The following RP1 variants were observed in gnomAD, a reference collection of about 807,000 sequenced individuals.
RP1 encodes the protein oxygen-regulated protein 1.
A neutral mutation model predicts 14.8 loss-of-function variants in RP1; 16 were observed. The ratio of observed to expected loss-of-function variants is 1.08; its 90% CI spans 0.73 to 1.65. RP1 has a LOEUF of 1.65. Among genes scored for constraint, RP1 ranks in the 40% most tolerant of loss-of-function variants. The pLI is 0.00. For synonymous variants in RP1, 876 were observed against 883.6 expected (o/e 0.99, Z 0.15); for missense variants, 2,631 against 2,535.0 (o/e 1.04, Z -0.81).
At chr8:54,863,880 A>G (rs752454706) in intron 27 of RP1, among the ~76,000 whole-genome samples, 62 of 152,162 alleles carry the variant, frequency 4.1e-4, no homozygotes, top group Non-Finnish European at 7.3e-4. Flanking sequence ...ACTTCTTCCA[A>G]TGTCTGTCTG....
At position 54,629,619 on chromosome 8, in the gene RP1, C is replaced by T. The variant is rs200853416; in HGVS notation, c.5737C>T (p.Leu1913Phe). Reference protein sequence around the residue: ...EADSLDKLYALCGQHCPILTV... With the variant: ...EADSLDKLYAFCGQHCPILTV... ...TGACTCTTTGGATAAACTGTATGCT[C>T]TTTGTGGTCAACATTGCCCAATACT... Residue 1913 changes from leucine to phenylalanine, a missense_variant, in exon 4 of 4, where the codon CTT (leucine) becomes TTT (phenylalanine). Coordinates refer to ENST00000220676, the MANE Select transcript of RP1 (RefSeq NM_006269.2). The T allele has an allele frequency of 2.5e-5, 40 of 1,613,804 alleles. No homozygotes were observed. The highest frequency in any genetic ancestry group is 1.6e-4 in the South Asian group (15 of 91,080).
chr8:54,667,891 C>T (rs1395409066), intron 7 of RP1, among the ~76,000 whole-genome samples: 2 of 152,024 alleles, frequency 1.3e-5, no homozygotes, highest in African/African-American at 4.8e-5. Context: ...AGATTCAAAG[C>T]CGAATTCTAC....
At chr8:54,669,356 T>A (rs1442445639) in intron 7 of RP1, among the ~76,000 whole-genome samples, 2 of 152,162 alleles carry the variant, frequency 1.3e-5, no homozygotes, top group East Asian at 3.9e-4. Flanking sequence ...AGAATGGCGA[T>A]CATTAAAAAG....
intron 4 of RP1, among the ~76,000 whole-genome samples, chr8:54,650,672 ACCTCCCT>A (rs1563338040): frequency 1.1e-4 from 5 of 45,618 alleles, no homozygotes; most frequent in African/African-American, 2.5e-4. Flanking sequence ...TCCCCCGTCT[ACCTCCCT>A]CCTCCCTCCT....
At chr8:54,666,825 G>C (rs1807028725) in intron 7 of RP1, among the ~76,000 whole-genome samples, 1 of 151,888 alleles carries the variant, frequency 6.6e-6, no homozygotes. Context: ...TGGTCCCAGG[G>C]GATTTTCAAA....
At chr8:54,728,231 C>T (rs1808705942) in intron 17 of RP1, among the ~76,000 whole-genome samples, 1 of 152,094 alleles carries the variant, frequency 6.6e-6, no homozygotes, top group Admixed American at 6.6e-5. Flanking sequence ...TCATCTGTTA[C>T]TGAGTAATTA....
chr8:54,859,342 T>TGGTGTC (rs57581015), intron 27 of RP1, among the ~76,000 whole-genome samples: 108,653 of 149,988 alleles, frequency 0.72, 39,379 homozygotes, highest in South Asian at 0.86. Flanking sequence ...CACTGTAGGG[T>TGGTGTC]GGTGTCCCTG....
intron 22 of RP1, among the ~76,000 whole-genome samples, chr8:54,759,413 T>TA (rs1308258540): frequency 3.9e-5 from 6 of 152,180 alleles, no homozygotes; most frequent in Non-Finnish European, 1.5e-5. Flanking sequence ...ATTGTAGTGT[T>TA]ACAACAGTTT....
At chr8:54,853,961 AAG>A (rs1056886828) in intron 26 of RP1, among the ~76,000 whole-genome samples, 4 of 151,612 alleles carry the variant, frequency 2.6e-5, no homozygotes, top group South Asian at 4.2e-4. Flanking sequence ...AGGAAAAGAA[AAG>A]AGAGAAAGAA....
intron 22 of RP1, among the ~76,000 whole-genome samples, chr8:54,765,794 C>A (rs537269694): frequency 6.6e-6 from 1 of 152,192 alleles, no homozygotes; most frequent in African/African-American, 2.4e-5. Context: ...TTCATCCTTA[C>A]CCTCTTTAAA....
At position 54,628,148 on chromosome 8, in the gene RP1, T is replaced by C. The variant is rs1806130486; in HGVS notation, c.4266T>C (p.Asn1422=). The C allele has an allele frequency of 1.2e-6, 2 of 1,613,952 alleles. No homozygotes were observed. The highest frequency in any genetic ancestry group is 1.7e-6 in the Non-Finnish European group (2 of 1,179,912). Residue 1422 remains asparagine, a synonymous_variant, in exon 4 of 4, where the codon AAT becomes AAC. Coordinates refer to ENST00000220676, the MANE Select transcript of RP1 (RefSeq NM_006269.2). ...KKHSSLDDFE[N]CSLRKFQDEN... ...ATAGTTCTCTAGATGATTTTGAAAA[T>C]TGTTCACTAAGGAAGTTTCAGGATG...
At chr8:54,615,616 A>G (rs907867169), upstream of RP1, among the ~76,000 whole-genome samples, 2 of 152,210 alleles carry the variant, frequency 1.3e-5, no homozygotes, top group African/African-American at 4.8e-5. Context: ...CGTTATGCTG[A>G]GTCACCAAAT....
At chr8:54,704,859 T>C (rs200944159) in intron 14 of RP1, among the ~76,000 whole-genome samples, 3 of 143,550 alleles carry the variant, frequency 2.1e-5, no homozygotes, top group South Asian at 4.2e-4. Flanking sequence ...CACACACACA[T>C]ATGTCTTTTT....
chr8:54,726,897 A>C (rs1808668712), intron 17 of RP1, among the ~76,000 whole-genome samples: 1 of 152,042 alleles, frequency 6.6e-6, no homozygotes. Flanking sequence ...CAGAGGCTTA[A>C]ATTCCTAGTT....
downstream of RP1, among the ~76,000 whole-genome samples, chr8:54,631,156 C>A (rs1247079667): frequency 2.0e-5 from 3 of 152,070 alleles, no homozygotes; most frequent in African/African-American, 7.2e-5. Context: ...CATTGAGGAA[C>A]AAAAGGTAAT....
chr8:54,785,350 T>G (rs957760210), intron 24 of RP1, among the ~76,000 whole-genome samples: 14 of 149,902 alleles, frequency 9.3e-5, no homozygotes, highest in Admixed American at 9.2e-4. Context: ...ATCAGTACTT[T>G]ATTCTTTTTT....
intron 15 of RP1, among the ~76,000 whole-genome samples, chr8:54,716,418 A>T (rs1051379154): frequency 6.6e-5 from 10 of 152,172 alleles, no homozygotes; most frequent in African/African-American, 2.4e-4. Context: ...GACTTAAAAA[A>T]AAATCATGGA....
At chr8:54,850,439 G>T (rs1254808516) in intron 25 of RP1, among the ~76,000 whole-genome samples, 1 of 152,102 alleles carries the variant, frequency 6.6e-6, no homozygotes, top group Admixed American at 6.5e-5. Flanking sequence ...CTTCCCTTGA[G>T]GTCAGATAAT....
At chr8:54,574,211 T>TA (rs899356045) in intron 1 of RP1, among the ~76,000 whole-genome samples, 1 of 152,144 alleles carries the variant, frequency 6.6e-6, no homozygotes, top group African/African-American at 2.4e-5. Flanking sequence ...AGAGCACTTT[T>TA]AGGAAGGCCC....
Sources: gnomAD v4.1 joint callset for allele counts (sites outside exome capture counted in the v4.1 genomes callset) on GRCh38, gnomAD v4.1.1 for gene constraint, MANE v1.5 for transcripts, NCBI Gene and HGNC (gene_info 2026-07-23, HGNC 2026-07-21) for gene names.